Variants in CSMD1 observed in about 807,000 individuals in gnomAD.
CSMD1 encodes the protein CUB and sushi domain-containing protein 1.
CSMD1 carries 213 observed loss-of-function variants against 417.5 expected under a neutral mutation model. The ratio of observed to expected loss-of-function variants is 0.51; its 90% CI spans 0.46 to 0.57. The LOEUF (loss-of-function observed/expected upper bound fraction) is 0.57. Ranked by LOEUF, CSMD1 falls within the 20% of genes least tolerant of loss-of-function variation. The pLI is 0.00. For synonymous variants in CSMD1, 2,862 were observed against 1,736.8 expected, an observed-to-expected ratio of 1.65 and a Z score of -16.11; for missense variants, 6,923 against 4,529.7, an observed-to-expected ratio of 1.53 and a Z score of -15.17.
At position 4,866,764 on chromosome 8, in the gene CSMD1, T is replaced by G. The variant is rs186912118; in HGVS notation, c.85+127568A>C. On this transcript the variant is annotated intron_variant, in intron 1 of 69. Coordinates refer to ENST00000635120, the MANE Select transcript of CSMD1 (RefSeq NM_033225.6). ...GTTCAAACTCATTTTTTAAAATTAT[T>G]ATAAACACAAGGTAATGGACGAAAA... is the stretch of plus-strand genomic sequence containing the variant. 1.3e-3 allele frequency among the ~76,000 whole-genome samples: 204 copies of G among 152,182 alleles called. 5 individuals carry two copies. Among genetic ancestry groups the G allele is most frequent in the Admixed American group, 0.013 (203 of 15,292 alleles).
At chr8:3,010,127 G>A (rs937902441) in intron 52 of CSMD1, among the ~76,000 whole-genome samples, 1 of 152,078 alleles carries the variant, frequency 6.6e-6, no homozygotes, top group African/African-American at 2.4e-5. Flanking sequence ...CCGCAGGTGC[G>A]CATCTTCCAC....
At chr8:4,035,536 G>T (rs1297930179) in intron 3 of CSMD1, among the ~76,000 whole-genome samples, 1 of 152,170 alleles carries the variant, frequency 6.6e-6, no homozygotes, top group Non-Finnish European at 1.5e-5. Context: ...AAGACGTCAA[G>T]GTGGAAGAGA....
intron 2 of CSMD1, among the ~76,000 whole-genome samples, chr8:4,459,133 T>G (rs796598186): frequency 6.6e-6 from 1 of 152,218 alleles, no homozygotes; most frequent in Non-Finnish European, 1.5e-5. Context: ...GCCACCATCC[T>G]TTCTCATCCT....
At chr8:3,984,708 TATA>T (rs1814177282) in intron 5 of CSMD1, among the ~76,000 whole-genome samples, 1 of 12,440 alleles carries the variant, frequency 8.0e-5, no homozygotes, top group Non-Finnish European at 1.5e-4. Flanking sequence ...ATATATCATA[TATA>T]TATATATATA....
At chr8:4,660,422 A>C (rs1295854229) in intron 1 of CSMD1, among the ~76,000 whole-genome samples, 1 of 152,250 alleles carries the variant, frequency 6.6e-6, no homozygotes, top group East Asian at 1.9e-4. Flanking sequence ...TCAGAAAAGT[A>C]AACATAGGAA....
At chr8:3,195,359 T>G (rs1050010785) in intron 33 of CSMD1, among the ~76,000 whole-genome samples, 1 of 152,080 alleles carries the variant, frequency 6.6e-6, no homozygotes, top group African/African-American at 2.4e-5. Context: ...TTGGCCTCTG[T>G]TTTCAGGCGG....
chr8:3,869,495 G>A (rs1218722536), intron 5 of CSMD1, among the ~76,000 whole-genome samples: 1 of 152,142 alleles, frequency 6.6e-6, no homozygotes, highest in Non-Finnish European at 1.5e-5. Flanking sequence ...GGCTAGTGAG[G>A]CTGAATGCGT....
At chr8:4,087,838 A>G (rs1042847995) in intron 3 of CSMD1, among the ~76,000 whole-genome samples, 1 of 152,080 alleles carries the variant, frequency 6.6e-6, no homozygotes, top group Non-Finnish European at 1.5e-5. Context: ...ACCTAGCATA[A>G]TAATGCCTAC....
chr8:4,844,237 C>T (rs1480265115), intron 1 of CSMD1, among the ~76,000 whole-genome samples: 1 of 152,112 alleles, frequency 6.6e-6, no homozygotes, highest in Non-Finnish European at 1.5e-5. Flanking sequence ...AGTAAGGTTA[C>T]ATTTTCCAGC....
chr8:4,089,040 T>C (rs1800579013), intron 3 of CSMD1, among the ~76,000 whole-genome samples: 1 of 152,216 alleles, frequency 6.6e-6, no homozygotes, highest in South Asian at 2.1e-4. Flanking sequence ...TTGTAGAGAA[T>C]GAAGATATTC....
At chr8:3,448,342 AGGG>A (rs1255990468) in intron 12 of CSMD1, among the ~76,000 whole-genome samples, 9 of 76,830 alleles carry the variant, frequency 1.2e-4, no homozygotes, top group African/African-American at 4.6e-4. Flanking sequence ...GGAGGGAGGG[AGGG>A]AGGAAGGAAG....
rs183590423 is a variant in CSMD1, at chr8:4,349,188, G to C, written c.415+70765C>G. Among the ~76,000 whole-genome samples the C allele has an allele frequency of 3.0e-3, 458 of 152,314 alleles. 4 individuals carry two copies. Among genetic ancestry groups the C allele is most frequent in the African/African-American group, 9.5e-3 (397 of 41,576 alleles). Reference sequence around the variant, plus strand: ...TGGTGTAATTTCATCAGAGAACTAAGTGAAGATTTTAATCAGAATGACTAT... The same window carrying C: ...TGGTGTAATTTCATCAGAGAACTAACTGAAGATTTTAATCAGAATGACTAT... On this transcript the variant is annotated intron_variant, in intron 3 of 69. Coordinates refer to ENST00000635120, the MANE Select transcript of CSMD1 (RefSeq NM_033225.6).
chr8:3,715,165 A>AT (rs1280790677), intron 6 of CSMD1, among the ~76,000 whole-genome samples: 2 of 152,130 alleles, frequency 1.3e-5, no homozygotes, highest in Admixed American at 6.5e-5. Context: ...ACATTTAATT[A>AT]TTTTTTGCAA....
rs762693111 is a variant in CSMD1, at chr8:3,108,566, TTCTCAG to T, written c.6754+31_6754+36del. On this transcript the variant is annotated intron_variant, in intron 44 of 69. Transcript: ENST00000635120. Reference sequence around the variant, plus strand: ...ACACTGCAGGAAACACCACATGGAATTCTCAGTCTTAACTAACGGAGTGAAAATCAA... The same window carrying T: ...ACACTGCAGGAAACACCACATGGAATTCTTAACTAACGGAGTGAAAATCAA... 3 of 1,606,932 alleles carry T rather than the reference TTCTCAG, an allele frequency of 1.9e-6. No individual in the cohort carries two copies. In the Admixed American group the frequency reaches 5.0e-5, roughly 27 times the overall value.
intron 3 of CSMD1, among the ~76,000 whole-genome samples, chr8:4,321,188 G>A (rs927228587): frequency 6.6e-6 from 1 of 152,006 alleles, no homozygotes; most frequent in African/African-American, 2.4e-5. Context: ...CAAAGTGTAG[G>A]GTTCAACATG....
intron 1 of CSMD1, among the ~76,000 whole-genome samples, chr8:4,711,757 G>C (rs1002195153): frequency 2.6e-5 from 4 of 152,036 alleles, no homozygotes; most frequent in Non-Finnish European, 4.4e-5. Context: ...TGTTTATGTA[G>C]TTTTTGTTTG....
At chr8:4,287,581 T>A (rs1024064742) in intron 3 of CSMD1, among the ~76,000 whole-genome samples, 3 of 152,084 alleles carry the variant, frequency 2.0e-5, no homozygotes, top group Non-Finnish European at 4.4e-5. Flanking sequence ...TGCAAGCTTT[T>A]ATTACCTTCC....
chr8:3,556,449 G>C (rs1399455389), intron 10 of CSMD1, among the ~76,000 whole-genome samples: 1 of 124,050 alleles, frequency 8.1e-6, no homozygotes, highest in Non-Finnish European at 1.7e-5. Context: ...GGATCCTGTG[G>C]GTTGAGATAA....
intron 3 of CSMD1, among the ~76,000 whole-genome samples, chr8:4,187,046 C>A (rs953277170): frequency 6.6e-6 from 1 of 152,008 alleles, no homozygotes; most frequent in Admixed American, 6.6e-5. Flanking sequence ...GTTTTAATGC[C>A]CATATAAATG....
Sources: allele counts gnomAD v4.1 joint callset (sites outside exome capture counted in the v4.1 genomes callset), GRCh38; gene constraint gnomAD v4.1.1; transcripts MANE v1.5; gene names NCBI Gene and HGNC (gene_info 2026-07-23, HGNC 2026-07-21).